DLG2: variants seen among roughly 807,000 people sequenced by gnomAD.
DLG2 encodes the protein disks large homolog 2.
Under a neutral mutation model 132.5 loss-of-function variants are expected in DLG2, and 45 were observed. The observed-to-expected ratio is 0.34, with a 90% CI of 0.27 to 0.44. The LOEUF is 0.44. DLG2 is among the 20% of genes least tolerant of loss of function. DLG2 has a pLI of 1.00. For missense variants in DLG2, 1,045 were observed against 1,196.9 expected (o/e 0.87, Z 1.87); for synonymous variants, 424 against 419.6 (o/e 1.01, Z -0.13).
At chr11:83,552,530 T>C (rs1456586378) in intron 19 of DLG2, among the ~76,000 whole-genome samples, 1 of 152,144 alleles carries the variant, frequency 6.6e-6, no homozygotes, top group Non-Finnish European at 1.5e-5. Context: ...GGGGAGATGA[T>C]TCATCCAGAT....
intron 7 of DLG2, among the ~76,000 whole-genome samples, chr11:84,407,184 A>G (rs2098857069): frequency 1.3e-5 from 2 of 151,982 alleles, no homozygotes; most frequent in African/African-American, 4.8e-5. Context: ...GACATGCCTA[A>G]TATGTCAGGC....
chr11:85,071,063 T>C (rs542112961), intron 6 of DLG2, among the ~76,000 whole-genome samples: 1 of 151,878 alleles, frequency 6.6e-6, no homozygotes, highest in Non-Finnish European at 1.5e-5. Flanking sequence ...TGTTTCATCA[T>C]TTGTAAAATG....
At chr11:85,434,298 C>T (rs1446465481) in intron 3 of DLG2, among the ~76,000 whole-genome samples, 1 of 151,150 alleles carries the variant, frequency 6.6e-6, no homozygotes, top group African/African-American at 2.4e-5. Flanking sequence ...CGAAAGCTAG[C>T]AGAAGAAGAG....
chr11:85,235,748 G>A (rs1166904183), intron 4 of DLG2, among the ~76,000 whole-genome samples: 2 of 151,716 alleles, frequency 1.3e-5, no homozygotes, highest in Admixed American at 6.6e-5. Flanking sequence ...GTAGAAAGTA[G>A]AATAGTAGGA....
rs1237005570 is a variant in DLG2 at position 85,578,587 on chromosome 11, C to A, written c.40+20070G>T. Among the ~76,000 whole-genome samples, 3 of 151,946 alleles carry A rather than the reference C, an allele frequency of 2.0e-5. No homozygotes were observed. The East Asian group carries it at 5.8e-4, about 29-fold the overall frequency. ...GTGGGCAAAGGACATGAACAGGCAC[C>A]TTTCAAAAGAAAACATACATATGCC... On this transcript the variant is annotated intron_variant, in intron 3 of 27. Transcript: ENST00000376104.
chr11:84,079,278 G>GTTTTTTTTT (rs34283629), intron 10 of DLG2, among the ~76,000 whole-genome samples: 7 of 147,254 alleles, frequency 4.8e-5, no homozygotes, highest in Admixed American at 6.7e-5. Context: ...TTTTTGGTTT[G>GTTTTTTTTT]TTTTTTTTTT....
At chr11:83,675,432 C>A (rs1222829044) in intron 18 of DLG2, among the ~76,000 whole-genome samples, 3 of 152,158 alleles carry the variant, frequency 2.0e-5, no homozygotes, top group African/African-American at 7.2e-5. Context: ...TCCAAATACA[C>A]TTGAGTTACT....
intron 6 of DLG2, among the ~76,000 whole-genome samples, chr11:85,037,442 A>T (rs2061514556): frequency 6.6e-6 from 1 of 152,200 alleles, no homozygotes; most frequent in Admixed American, 6.5e-5. Context: ...AAACTGACTT[A>T]AATTTAATGG....
At chr11:84,725,419 A>C (rs565381062) in intron 6 of DLG2, among the ~76,000 whole-genome samples, 2 of 152,192 alleles carry the variant, frequency 1.3e-5, no homozygotes, top group East Asian at 3.9e-4. Context: ...CCTACTGTAA[A>C]TTGAAGTCCA....
rs560349474 is a variant in DLG2, at chr11:85,380,988, T to G, written c.41-95623A>C. On this transcript the variant is annotated intron_variant, in intron 3 of 27. Coordinates refer to ENST00000376104, the MANE Select transcript of DLG2 (RefSeq NM_001142699.3). ...GTTACAGAAAAATCACATGAACTTT[T>G]TGGTTTATCTTCTATTTCCCAGAAA... is the stretch of plus-strand genomic sequence containing the variant. Among the ~76,000 whole-genome samples, 29 of 152,284 alleles carry G rather than the reference T, an allele frequency of 1.9e-4. 2 individuals are homozygous for G. The South Asian group carries it at 6.0e-3, about 32-fold the overall frequency.
At chr11:84,472,044 T>C (rs1431609882) in intron 7 of DLG2, among the ~76,000 whole-genome samples, 1 of 151,866 alleles carries the variant, frequency 6.6e-6, no homozygotes, top group Non-Finnish European at 1.5e-5. Context: ...GTCCCCAAAT[T>C]TCCTTGAATT....
intron 6 of DLG2, among the ~76,000 whole-genome samples, chr11:84,880,160 C>G (rs900965968): frequency 6.6e-6 from 1 of 152,056 alleles, no homozygotes; most frequent in African/African-American, 2.4e-5. Context: ...AGATCAAATA[C>G]TGGAGAAAGA....
At chr11:83,935,696 A>T (rs73508280) in intron 14 of DLG2, among the ~76,000 whole-genome samples, 3,120 of 152,238 alleles carry the variant, frequency 0.02, 99 homozygotes, top group African/African-American at 0.071. Flanking sequence ...AACTCTTACA[A>T]ATCTTAGCTT....
intron 7 of DLG2, among the ~76,000 whole-genome samples, chr11:84,338,305 A>G (rs2098497392): frequency 6.6e-6 from 1 of 152,164 alleles, no homozygotes; most frequent in Non-Finnish European, 1.5e-5. Context: ...GATGAACTCT[A>G]TTCTTAGAAG....
At chr11:85,393,856 A>G (rs776201946) in intron 3 of DLG2, among the ~76,000 whole-genome samples, 9 of 152,284 alleles carry the variant, frequency 5.9e-5, no homozygotes, top group Middle Eastern at 3.4e-3. Context: ...AAGCTGAGCT[A>G]TGAGGATGCA....
intron 4 of DLG2, among the ~76,000 whole-genome samples, chr11:85,215,821 C>G (rs971429571): frequency 6.6e-6 from 1 of 152,038 alleles, no homozygotes; most frequent in African/African-American, 2.4e-5. Context: ...TTGTTTTTCT[C>G]TTGTAATATG....
At position 84,241,525 on chromosome 11, in the gene DLG2, A is replaced by C. The variant is rs2097225115; in HGVS notation, c.573+9713T>G. 2.0e-5 allele frequency among the ~76,000 whole-genome samples: 3 copies of C among 152,270 alleles called. No individual in the cohort carries two copies. The South Asian group carries it at 6.2e-4, about 32-fold the overall frequency. On this transcript the variant is annotated intron_variant, in intron 8 of 27. Coordinates refer to ENST00000376104, the MANE Select transcript of DLG2 (RefSeq NM_001142699.3). ...CAACATGTGCTTTTCACCATGCATT[A>C]TCCATTTTCATTAACATGTCTATTC...
chr11:83,537,206 G>A (rs1450690619), intron 20 of DLG2, among the ~76,000 whole-genome samples: 1 of 152,160 alleles, frequency 6.6e-6, no homozygotes, highest in Non-Finnish European at 1.5e-5. Context: ...AGCACCAAAT[G>A]GCCATGCTTT....
chr11:84,755,801 G>A (rs1205606904), intron 6 of DLG2, among the ~76,000 whole-genome samples: 3 of 152,148 alleles, frequency 2.0e-5, no homozygotes, highest in African/African-American at 7.2e-5. Context: ...AAGGAAACCT[G>A]CCCAATTTTC....
Sources: gnomAD v4.1 joint callset for allele counts (sites outside exome capture counted in the v4.1 genomes callset) on GRCh38, gnomAD v4.1.1 for gene constraint, MANE v1.5 for transcripts, NCBI Gene and HGNC (gene_info 2026-07-23, HGNC 2026-07-21) for gene names.